Variants in GRID1 observed in about 807,000 individuals in gnomAD.
The protein encoded by GRID1 is glutamate ionotropic receptor delta type subunit 1, also known as glutamate receptor ionotropic, delta-1.
In GRID1, 28 loss-of-function variants were observed where a neutral mutation model predicts 98.0. The observed-to-expected ratio is 0.29, with a 90% CI of 0.21 to 0.39. The LOEUF (loss-of-function observed/expected upper bound fraction) is 0.39, where lower values mean the gene tolerates loss of function less well. Ranked by LOEUF, GRID1 falls within the 10% of genes least tolerant of loss-of-function variation. The pLI is 1.00. For synonymous variants in GRID1, 553 were observed against 538.5 expected, an observed-to-expected ratio of 1.03 and a Z score of -0.37; for missense variants, 1,111 against 1,340.5, an observed-to-expected ratio of 0.83 and a Z score of 2.67.
At chr10:85,704,694 T>A (rs1841494733) in intron 12 of GRID1, among the ~76,000 whole-genome samples, 1 of 152,134 alleles carries the variant, frequency 6.6e-6, no homozygotes, top group Non-Finnish European at 1.5e-5. Context: ...TCACACCTAT[T>A]CAAAAATTGA....
intron 4 of GRID1, among the ~76,000 whole-genome samples, chr10:85,922,303 T>C (rs1171447495): frequency 6.6e-6 from 1 of 152,240 alleles, no homozygotes; most frequent in Non-Finnish European, 1.5e-5. Flanking sequence ...ATTTCTTAAG[T>C]GTGAGACTGT....
chr10:86,359,257 C>A (rs367917017), intron 2 of GRID1, among the ~76,000 whole-genome samples: 1 of 152,168 alleles, frequency 6.6e-6, no homozygotes, highest in Non-Finnish European at 1.5e-5. Flanking sequence ...GTGAGGCTGC[C>A]AGGAGGACTG....
chr10:85,933,227 A>G (rs1589303656), intron 4 of GRID1, among the ~76,000 whole-genome samples: 3 of 148,744 alleles, frequency 2.0e-5, no homozygotes, highest in Middle Eastern at 3.5e-3. Context: ...AATGATGCAG[A>G]CTCCTCAACT....
intron 4 of GRID1, among the ~76,000 whole-genome samples, chr10:86,134,476 T>C (rs1776450734): frequency 6.6e-6 from 1 of 152,108 alleles, no homozygotes; most frequent in Non-Finnish European, 1.5e-5. Flanking sequence ...CCATCAAGCC[T>C]GACCTGGAGA....
intron 2 of GRID1, among the ~76,000 whole-genome samples, chr10:86,238,268 G>C (rs944472706): frequency 2.0e-5 from 3 of 152,228 alleles, no homozygotes; most frequent in Non-Finnish European, 2.9e-5. Context: ...GCCTAGGAGG[G>C]AAGAATGGTT....
At chr10:85,691,114 A>G (rs1454379521) in intron 12 of GRID1, among the ~76,000 whole-genome samples, 3 of 152,238 alleles carry the variant, frequency 2.0e-5, no homozygotes. Flanking sequence ...CCATAAAGTG[A>G]CCATCTAAAA....
chr10:86,272,405 G>C (rs1291967917), intron 2 of GRID1, among the ~76,000 whole-genome samples: 1 of 152,142 alleles, frequency 6.6e-6, no homozygotes, highest in Non-Finnish European at 1.5e-5. Flanking sequence ...ACTTGCCCAT[G>C]CCCCATCCCT....
At chr10:86,251,350 TAAAAAAAAAAAAAA>T (rs61715346) in intron 2 of GRID1, among the ~76,000 whole-genome samples, 54 of 142,742 alleles carry the variant, frequency 3.8e-4, no homozygotes, top group Middle Eastern at 3.6e-3. Flanking sequence ...CAATAAATAC[TAAAAAAAAAAAAAA>T]AAAAAAAAAA....
At chr10:85,762,395 A>G (rs966097064) in intron 8 of GRID1, among the ~76,000 whole-genome samples, 3 of 152,232 alleles carry the variant, frequency 2.0e-5, no homozygotes, top group African/African-American at 7.2e-5. Flanking sequence ...TGAACATTTT[A>G]ATATATTCTT....
chr10:86,101,631 TC>T (rs1405428302), intron 4 of GRID1, among the ~76,000 whole-genome samples: 1 of 147,430 alleles, frequency 6.8e-6, no homozygotes, highest in Non-Finnish European at 1.5e-5. Flanking sequence ...TTTTCATTAT[TC>T]CTTTTTTTTT....
At chr10:86,158,684 G>A (rs1466113795) in intron 3 of GRID1, among the ~76,000 whole-genome samples, 1 of 152,104 alleles carries the variant, frequency 6.6e-6, no homozygotes, top group Non-Finnish European at 1.5e-5. Context: ...GTGACCAATG[G>A]GAAGCAAAAT....
At chr10:85,869,209 C>G in intron 5 of GRID1, 29 bp from the exon 6 acceptor site, 1 of 1,595,612 alleles carries the variant, frequency 6.3e-7, no homozygotes, top group South Asian at 1.1e-5. Flanking sequence ...CCATGCTTAC[C>G]ATCCACTCAT....
chr10:85,800,161 A>C (rs1290849684), intron 8 of GRID1, among the ~76,000 whole-genome samples: 5 of 53,214 alleles, frequency 9.4e-5, no homozygotes, highest in Non-Finnish European at 1.3e-4. Flanking sequence ...ATAGAATTAC[A>C]AAAAAAAAAA....
rs1020130414 is a variant in GRID1 at position 86,257,863 on chromosome 10, G to C, written c.236-51215C>G. ...ATCTCCAGGAAGATAAAGAACAGGG[G>C]AGCAATGCCAAGGAGGTTCCCCCTT... On this transcript the variant is annotated intron_variant, in intron 2 of 15. Coordinates refer to ENST00000327946, the MANE Select transcript of GRID1 (RefSeq NM_017551.3). Among the ~76,000 whole-genome samples, 7 of 152,288 alleles carry C rather than the reference G, an allele frequency of 4.6e-5. No homozygotes were observed. In the South Asian group the frequency reaches 6.2e-4, roughly 14 times the overall value.
chr10:86,177,835 G>A (rs1037127633), intron 3 of GRID1, among the ~76,000 whole-genome samples: 1 of 150,724 alleles, frequency 6.6e-6, no homozygotes, highest in Non-Finnish European at 1.5e-5. Context: ...GTGTGCACGA[G>A]ACAGACAGAG....
At chr10:85,821,649 T>C (rs1033914024) in intron 8 of GRID1, among the ~76,000 whole-genome samples, 2 of 151,328 alleles carry the variant, frequency 1.3e-5, no homozygotes, top group Non-Finnish European at 2.9e-5. Context: ...TTTATCTTGA[T>C]CGTAACAAAA....
In GRID1 at chr10:85,783,477, T is replaced by C. The variant is rs992650954; in HGVS notation, c.1234-53863A>G. Among the ~76,000 whole-genome samples, 10 of 152,166 alleles carry C rather than the reference T, an allele frequency of 6.6e-5. 1 individual carries two copies. Among genetic ancestry groups the C allele is most frequent in the African/African-American group, 1.9e-4 (8 of 41,446 alleles). Reference sequence around the variant, plus strand: ...GAATCTGATTTTATGGACAGAAAGATAGACAGTGAGCTCAGGACTGTCGTG... The same window carrying C: ...GAATCTGATTTTATGGACAGAAAGACAGACAGTGAGCTCAGGACTGTCGTG... On this transcript the variant is annotated intron_variant, in intron 8 of 15. Transcript: ENST00000327946.
intron 8 of GRID1, among the ~76,000 whole-genome samples, chr10:85,841,891 T>C (rs1842964495): frequency 1.3e-5 from 2 of 152,194 alleles, no homozygotes; most frequent in Admixed American, 1.3e-4. Flanking sequence ...TGTAAATTAG[T>C]TCAACCATTG....
intron 2 of GRID1, among the ~76,000 whole-genome samples, chr10:86,334,113 TC>T (rs1224214016): frequency 1.3e-5 from 2 of 151,938 alleles, no homozygotes; most frequent in African/African-American, 4.8e-5. Context: ...GGCCCCCTAG[TC>T]CCCTGGCCTA....
Sources: allele counts gnomAD v4.1 joint callset (sites outside exome capture counted in the v4.1 genomes callset), GRCh38; gene constraint gnomAD v4.1.1; transcripts MANE v1.5; gene names NCBI Gene and HGNC (gene_info 2026-07-23, HGNC 2026-07-21).